SLC47A2: variants seen among roughly 807,000 people sequenced by gnomAD.
SLC47A2 encodes solute carrier family 47 member 2.
SLC47A2 carries 52 observed loss-of-function variants against 67.7 expected under a neutral mutation model. The ratio of observed to expected loss-of-function variants is 0.77; its 90% CI spans 0.61 to 0.97. SLC47A2 has a LOEUF of 0.97. Ranked by LOEUF, SLC47A2 falls within the 50% of genes least tolerant of loss-of-function variation. The pLI is 0.00. For missense variants in SLC47A2, 676 were observed against 712.3 expected, an observed-to-expected ratio of 0.95 and a Z score of 0.58; for synonymous variants, 278 against 292.9, an observed-to-expected ratio of 0.95 and a Z score of 0.52.
At chr17:19,681,952 A>G (rs532778264) in intron 13 of SLC47A2, among the ~76,000 whole-genome samples, 1 of 152,324 alleles carries the variant, frequency 6.6e-6, no homozygotes, top group South Asian at 2.1e-4. Flanking sequence ...GTAAAGGTAG[A>G]ATTGGTGGCC....
chr17:19,708,148 C>T (rs1283330454), intron 7 of SLC47A2, among the ~76,000 whole-genome samples, 154 bp downstream of exon 7: 1 of 152,142 alleles, frequency 6.6e-6, no homozygotes, highest in Admixed American at 6.5e-5. Context: ...AACTGAGGTC[C>T]CCAAGGGACC....
chr17:19,711,561 C>A (rs139512164), intron 5 of SLC47A2, among the ~76,000 whole-genome samples: 178 of 127,184 alleles, frequency 1.4e-3, no homozygotes, highest in Middle Eastern at 6.9e-3. Flanking sequence ...TGCACTCCAG[C>A]CTGGATGACA....
chr17:19,703,286 T>G, intron 11 of SLC47A2, 119 bp from the exon 12 acceptor site: 1 of 872,010 alleles, frequency 1.1e-6, no homozygotes, highest in East Asian at 2.6e-5. Context: ...TGCAACCAGG[T>G]GCCTTTTGTC....
At chr17:19,714,101 C>T in intron 3 of SLC47A2, 128 bp from the exon 4 acceptor site, 3 of 1,299,724 alleles carry the variant, frequency 2.3e-6, no homozygotes, top group Non-Finnish European at 3.1e-6. Context: ...GTGACCACAG[C>T]CTGGCGCCCG....
rs753737136 is a variant in SLC47A2, at chr17:19,708,301, C to T, written c.629+1G>A. The T allele has an allele frequency of 3.1e-6, 5 of 1,612,436 alleles. No homozygotes were observed. The African/African-American group carries it at 4.0e-5, about 13-fold the overall frequency. On this transcript the variant is annotated splice_donor_variant, in intron 7 of 16. Transcript: ENST00000433844. LOFTEE classifies it high-confidence loss of function. Reference sequence around the variant, plus strand: ...CAGGCCCCACCAGCCCCCGGGCTCACCTGACCCCCAGGTTCAGCACAGAAA... The same window carrying T: ...CAGGCCCCACCAGCCCCCGGGCTCATCTGACCCCCAGGTTCAGCACAGAAA...
intron 13 of SLC47A2, among the ~76,000 whole-genome samples, chr17:19,688,859 G>T (rs546500078): frequency 6.7e-6 from 1 of 149,428 alleles, no homozygotes; most frequent in East Asian, 2.0e-4. Context: ...TGCCCCGCTG[G>T]TGATATCTTT....
intron 13 of SLC47A2, among the ~76,000 whole-genome samples, chr17:19,695,481 TAA>T (rs78650311): frequency 3.1e-4 from 23 of 74,636 alleles, no homozygotes; most frequent in African/African-American, 1.1e-3. Context: ...AGACCTGTCT[TAA>T]AAAAAAAACA....
Position 19,687,617 on chromosome 17 carries a change from A to G in SLC47A2, c.1165-5947T>C, listed in dbSNP as rs1003891553. On this transcript the variant is annotated intron_variant, in intron 13 of 16. Coordinates refer to ENST00000433844, the MANE Select transcript of SLC47A2 (RefSeq NM_001099646.3). ...TAGACAAAGCTTTAGCCAGATGAAG[A>G]AAAAAAAGAGAAAAGATCCAGATAA... Among the ~76,000 whole-genome samples, 84 of 152,180 alleles carry G rather than the reference A, an allele frequency of 5.5e-4. 1 individual carries two copies. Among genetic ancestry groups the G allele is most frequent in the Non-Finnish European group, 6.5e-4 (44 of 67,966 alleles).
At chr17:19,715,750 A>G (rs12451902) in intron 1 of SLC47A2, 43,936 of 126,840 alleles carry the variant, frequency 0.35, 7,220 homozygotes, top group East Asian at 0.48. Flanking sequence ...CTTGTTGCCC[A>G]GGCTGGAGTG....
upstream of SLC47A2, chr17:19,717,421 A>C (rs2086290593): frequency 6.6e-6 from 1 of 152,408 alleles, no homozygotes; most frequent in Admixed American, 6.5e-5. Context: ...CCAGCAGGGC[A>C]GTGGGAACCA....
In SLC47A2 at chr17:19,708,323, GA is replaced by G; in HGVS notation, c.607del (p.Ser203LeufsTer3). 6.2e-7 allele frequency: 1 copy of G among 1,613,248 alleles called. No homozygotes were observed. Among genetic ancestry groups the G allele is most frequent in the South Asian group, 1.1e-5 (1 of 91,040 alleles). On this transcript the variant is annotated frameshift_variant, in exon 7 of 17. Coordinates refer to ENST00000433844, the MANE Select transcript of SLC47A2 (RefSeq NM_001099646.3). LOFTEE classifies it high-confidence loss of function. ...VNGVANYALVSVLNLGVRGSA... is the reference protein window; with the variant it reads ...VNGVANYALVXVLNLGVRGSA... ...TCACCTGACCCCCAGGTTCAGCACAGAAACCAGGGCATAGTTGGCCACACCG... is the reference window on the plus strand; with the variant it reads ...TCACCTGACCCCCAGGTTCAGCACAGAACCAGGGCATAGTTGGCCACACCG...
At chr17:19,684,350 CAT>C (rs2085375191) in intron 13 of SLC47A2, among the ~76,000 whole-genome samples, 1 of 152,102 alleles carries the variant, frequency 6.6e-6, no homozygotes, top group South Asian at 2.1e-4. Context: ...GAATAAATCA[CAT>C]GAGAAATTTA....
At chr17:19,715,340 G>GCTTCCCCAGGC in intron 1 of SLC47A2, 123 bp from the exon 2 acceptor site, 1 of 770,578 alleles carries the variant, frequency 1.3e-6, no homozygotes, top group Non-Finnish European at 2.1e-6. Flanking sequence ...CCTACGCCTG[G>GCTTCCCCAGGC]GGAAGCCAGG....
At chr17:19,706,122 T>C (rs1489812496) in intron 9 of SLC47A2, among the ~76,000 whole-genome samples, 1 of 152,178 alleles carries the variant, frequency 6.6e-6, no homozygotes, top group Non-Finnish European at 1.5e-5. Context: ...ACTGATTTTC[T>C]ATTTGTGGAG....
In SLC47A2 at chr17:19,704,182, G is replaced by A; in HGVS notation, c.910-4C>T. 6.2e-7 allele frequency: 1 copy of A among 1,600,810 alleles called. No homozygotes were observed. On this transcript the variant is annotated splice_region_variant and splice_polypyrimidine_tract_variant and intron_variant, in intron 10 of 16. Transcript: ENST00000433844. ...CGATGCTGAGCCCCAAGGGAATCTG[G>A]GATCAAAGATAAGAAAGCACTGTCA... is the stretch of plus-strand genomic sequence containing the variant.
At position 19,679,900 on chromosome 17, in the gene SLC47A2, G is replaced by A. The variant is rs2085276082; in HGVS notation, c.1480+52C>T. The A allele has an allele frequency of 1.4e-5, 21 of 1,552,838 alleles. No homozygotes were observed. The East Asian group carries it at 1.6e-4, about 12-fold the overall frequency. On this transcript the variant is annotated intron_variant, in intron 16 of 16. Coordinates refer to ENST00000433844, the MANE Select transcript of SLC47A2 (RefSeq NM_001099646.3). ...CACAGAGGGCAGACAAGAGCAACAT[G>A]CCACTGACATTTATATGTGTACCAA...
intron 11 of SLC47A2, among the ~76,000 whole-genome samples, chr17:19,703,475 C>A (rs2085843663): frequency 6.6e-6 from 1 of 152,264 alleles, no homozygotes; most frequent in Non-Finnish European, 1.5e-5. Context: ...CTGCCTCCGA[C>A]CTGCTGAACC....
In SLC47A2 at chr17:19,708,407, A is replaced by C; in HGVS notation, c.532-8T>G. On this transcript the variant is annotated splice_polypyrimidine_tract_variant and splice_region_variant and intron_variant, in intron 6 of 16. Transcript: ENST00000433844. ...TTGGGGCCAGGTGATCTTCTGAAAT[A>C]AATGAAAACTGGCCCTGCTAAGGTG... 6.2e-7 allele frequency: 1 copy of C among 1,614,182 alleles called. No individual in the cohort carries two copies. Among genetic ancestry groups the C allele is most frequent in the African/African-American group, 1.3e-5 (1 of 75,062 alleles).
chr17:19,711,853 A>G (rs2086110350), intron 5 of SLC47A2, among the ~76,000 whole-genome samples: 1 of 152,120 alleles, frequency 6.6e-6, no homozygotes, highest in Admixed American at 6.5e-5. Context: ...AAGAATATTT[A>G]CCACAAATCT....
Sources: gnomAD v4.1 joint callset for allele counts (sites outside exome capture counted in the v4.1 genomes callset) on GRCh38, gnomAD v4.1.1 for gene constraint, MANE v1.5 for transcripts, NCBI Gene and HGNC (gene_info 2026-07-23, HGNC 2026-07-21) for gene names.